The following LARP1 variants were observed in gnomAD, a reference collection of about 807,000 sequenced individuals.
LARP1 encodes the protein La ribonucleoprotein 1, translational regulator.
Under a neutral mutation model 122.7 loss-of-function variants are expected in LARP1, and 36 were observed. The ratio of observed to expected loss-of-function variants is 0.29; its 90% confidence interval spans 0.22 to 0.39. LARP1 has a LOEUF of 0.39. Ranked by LOEUF, LARP1 falls within the 10% of genes least tolerant of loss-of-function variation. LARP1 has a pLI of 1.00. For synonymous variants in LARP1, 539 were observed against 528.7 expected, an observed-to-expected ratio of 1.02 and a Z score of -0.27; for missense variants, 1,040 against 1,403.6, an observed-to-expected ratio of 0.74 and a Z score of 4.14.
chr5:154,766,512 A>G (rs1754967690), intron 1 of LARP1, among the ~76,000 whole-genome samples: 1 of 152,234 alleles, frequency 6.6e-6, no homozygotes, highest in South Asian at 2.1e-4. Context: ...TACATTATCC[A>G]GAATGCATCT....
chr5:154,757,787 C>A (rs1444622159), intron 1 of LARP1, among the ~76,000 whole-genome samples: 3 of 86,406 alleles, frequency 3.5e-5, no homozygotes, highest in East Asian at 7.7e-4. Flanking sequence ...TCTTCCTTCC[C>A]CCCTGCTCCC....
At chr5:154,721,346 C>CAAA (rs70981943) in intron 1 of LARP1, among the ~76,000 whole-genome samples, 10 of 126,926 alleles carry the variant, frequency 7.9e-5, no homozygotes, top group Admixed American at 3.3e-4. Context: ...GACTCCGTCT[C>CAAA]AAAAAAAAAA....
At chr5:154,756,373 G>A (rs1753900294) in intron 1 of LARP1, 180 bp downstream of exon 1, 1 of 984,614 alleles carries the variant, frequency 1.0e-6, no homozygotes, top group South Asian at 3.6e-5. Context: ...TACACTCAGG[G>A]ACCTGCCCCT....
chr5:154,691,850 C>T (rs1754233055), intron 1 of LARP1, among the ~76,000 whole-genome samples: 1 of 151,284 alleles, frequency 6.6e-6, no homozygotes, highest in African/African-American at 2.4e-5. Context: ...AAAAAAGTGG[C>T]GCGATCTCGG....
intron 1 of LARP1, among the ~76,000 whole-genome samples, chr5:154,691,103 G>GAA (rs11452527): frequency 4.7e-5 from 7 of 149,230 alleles, no homozygotes; most frequent in Admixed American, 1.3e-4. Context: ...ACTAAAAAAA[G>GAA]AAAAAAAAAT....
chr5:154,725,186 T>C (rs1756127589), intron 1 of LARP1, among the ~76,000 whole-genome samples: 1 of 151,026 alleles, frequency 6.6e-6, no homozygotes, highest in African/African-American at 2.4e-5. Context: ...GGTCAGGAGT[T>C]CAAGACAAGC....
At chr5:154,811,169 GT>G in intron 16 of LARP1, 77 bp from the exon 17 acceptor site, 1 of 1,036,188 alleles carries the variant, frequency 9.7e-7, no homozygotes, top group Admixed American at 1.9e-5. Context: ...CTGTTTCATA[GT>G]TCCTCTGTTA....
chr5:154,727,911 T>C (rs1756323711), intron 1 of LARP1, among the ~76,000 whole-genome samples: 1 of 152,000 alleles, frequency 6.6e-6, no homozygotes, highest in Admixed American at 6.6e-5. Context: ...CTACTAATAA[T>C]AGAAAAATTA....
chr5:154,812,878 A>G (rs1450707814), intron 18 of LARP1, among the ~76,000 whole-genome samples: 1 of 152,072 alleles, frequency 6.6e-6, no homozygotes, highest in Non-Finnish European at 1.5e-5. Context: ...CGAGAACAAG[A>G]TGGGGGAAAC....
At chr5:154,686,982 G>C (rs962008555) in intron 1 of LARP1, among the ~76,000 whole-genome samples, 3 of 152,222 alleles carry the variant, frequency 2.0e-5, no homozygotes, top group Non-Finnish European at 2.9e-5. Context: ...TTCCTAGAGA[G>C]AAATCAGTCT....
At chr5:154,713,044 C>G (rs1392355796) in exon 1 of LARP1, 2 of 1,614,096 alleles carry the variant, frequency 1.2e-6, no homozygotes, top group African/African-American at 2.7e-5. Flanking sequence ...AACAGCGTGG[C>G]CTTGGCAGCT....
At chr5:154,686,596 C>G (rs1326538378) in intron 1 of LARP1, among the ~76,000 whole-genome samples, 1 of 152,190 alleles carries the variant, frequency 6.6e-6, no homozygotes, top group East Asian at 1.9e-4. Flanking sequence ...TAGACTGGCA[C>G]TGAGAAGTGG....
intron 16 of LARP1, among the ~76,000 whole-genome samples, chr5:154,810,049 T>C (rs1759132615): frequency 6.6e-6 from 1 of 152,114 alleles, no homozygotes; most frequent in Non-Finnish European, 1.5e-5. Flanking sequence ...ATTGTATAGA[T>C]TTGCCATGAT....
intron 1 of LARP1, among the ~76,000 whole-genome samples, chr5:154,769,622 G>A (rs192119611): frequency 6.6e-6 from 1 of 152,316 alleles, no homozygotes. Flanking sequence ...TAAGGGATGG[G>A]CTTGCCAGGT....
At chr5:154,795,668 A>T (rs1474824949) in intron 8 of LARP1, among the ~76,000 whole-genome samples, 1 of 151,404 alleles carries the variant, frequency 6.6e-6, no homozygotes, top group Admixed American at 6.6e-5. Flanking sequence ...TTGTTCACAA[A>T]TATTTCAGTA....
intron 1 of LARP1, among the ~76,000 whole-genome samples, chr5:154,784,774 C>A (rs1756753159): frequency 6.6e-6 from 1 of 152,204 alleles, no homozygotes. Context: ...GAACCAAGTT[C>A]TTGCTCCTCA....
chr5:154,700,040 C>T (rs1338746131), intron 1 of LARP1, among the ~76,000 whole-genome samples: 1 of 152,180 alleles, frequency 6.6e-6, no homozygotes, highest in Non-Finnish European at 1.5e-5. Context: ...GGCTTTTCCT[C>T]TCTGCCTCCA....
intron 1 of LARP1, among the ~76,000 whole-genome samples, chr5:154,693,912 G>A (rs1203518539): frequency 6.6e-6 from 1 of 151,426 alleles, no homozygotes; most frequent in African/African-American, 2.4e-5. Flanking sequence ...GGATGGAGTA[G>A]ACTACATAGC....
chr5:154,809,680 G>A (rs899864820), intron 16 of LARP1, among the ~76,000 whole-genome samples: 4 of 150,118 alleles, frequency 2.7e-5, no homozygotes, highest in African/African-American at 4.9e-5. Context: ...GTATCCTTAA[G>A]TATACATTTA....
Sources: allele counts gnomAD v4.1 joint callset (sites outside exome capture counted in the v4.1 genomes callset), GRCh38; gene constraint gnomAD v4.1.1; transcripts MANE v1.5; gene names NCBI Gene and HGNC (gene_info 2026-07-23, HGNC 2026-07-21).